KLHDC1: variants seen among roughly 807,000 people sequenced by gnomAD.
KLHDC1 encodes kelch domain-containing protein 1.
Under a neutral mutation model 68.3 loss-of-function variants are expected in KLHDC1, and 53 were observed. The observed-to-expected ratio is 0.78, with a 90% CI of 0.62 to 0.98. The LOEUF (loss-of-function observed/expected upper bound fraction) is 0.98, where lower values mean the gene tolerates loss of function less well. KLHDC1 is among the 50% of genes least tolerant of loss of function. The pLI is 0.00. For synonymous variants in KLHDC1, 148 were observed against 159.0 expected (o/e 0.93, Z 0.52); for missense variants, 470 against 492.3 (o/e 0.95, Z 0.43).
At chr14:49,750,573 T>C (rs563635338) in intron 12 of KLHDC1, among the ~76,000 whole-genome samples, 1 of 152,196 alleles carries the variant, frequency 6.6e-6, no homozygotes, top group Admixed American at 6.5e-5. Context: ...ATCTCTAGAG[T>C]ATAAGTGCTT....
chr14:49,719,984 G>C (rs1381262394), intron 4 of KLHDC1, among the ~76,000 whole-genome samples: 3 of 87,146 alleles, frequency 3.4e-5, no homozygotes, highest in Non-Finnish European at 7.1e-5. Flanking sequence ...ACCACACCAA[G>C]CTCATTTTTT....
intron 1 of KLHDC1, 46 bp from the exon 2 acceptor site, chr14:49,709,098 AGCTGTGTAACTGTTT>A (rs1326125480): frequency 4.3e-6 from 3 of 702,906 alleles, no homozygotes; most frequent in East Asian, 2.9e-5. Flanking sequence ...CATCCTGAGA[AGCTGTGTAACTGTTT>A]GCTGTGTAAC....
rs181763463 is a variant in KLHDC1, at chr14:49,693,444, C to T, written c.96+154C>T. On this transcript the variant is annotated intron_variant, in intron 1 of 12. Coordinates refer to ENST00000359332, the MANE Select transcript of KLHDC1 (RefSeq NM_172193.3). ...CAGCCCCTCCGCTGGCCGCCGCCCC[C>T]ACAGCCGCGCCAGGGCTTGACGTCG... Among the ~76,000 whole-genome samples the T allele has an allele frequency of 7.0e-4, 106 of 151,974 alleles. 2 individuals carry two copies. The East Asian group carries it at 0.018, about 26-fold the overall frequency.
At chr14:49,695,724 C>T (rs963203170) in intron 1 of KLHDC1, among the ~76,000 whole-genome samples, 2 of 152,158 alleles carry the variant, frequency 1.3e-5, no homozygotes, top group African/African-American at 4.8e-5. Flanking sequence ...TATGAAAGTC[C>T]TAGATGGCAT....
intron 1 of KLHDC1, among the ~76,000 whole-genome samples, chr14:49,706,339 C>T (rs539119820): frequency 2.0e-5 from 3 of 152,236 alleles, no homozygotes; most frequent in Admixed American, 1.3e-4. Context: ...CTGAATGGTG[C>T]TCCATTGTGT....
At chr14:49,747,553 G>A (rs931204056) in intron 12 of KLHDC1, among the ~76,000 whole-genome samples, 3 of 152,202 alleles carry the variant, frequency 2.0e-5, no homozygotes, top group African/African-American at 7.2e-5. Context: ...CTTTAAAATA[G>A]TGGAGAAAGA....
intron 12 of KLHDC1, among the ~76,000 whole-genome samples, chr14:49,744,962 C>G (rs971220352): frequency 6.6e-6 from 1 of 152,120 alleles, no homozygotes; most frequent in African/African-American, 2.4e-5. Flanking sequence ...TAAAAGGAGT[C>G]TGTACAAAGT....
intron 1 of KLHDC1, among the ~76,000 whole-genome samples, chr14:49,705,678 TC>T (rs1420499259): frequency 1.3e-5 from 2 of 152,088 alleles, no homozygotes; most frequent in African/African-American, 4.8e-5. Context: ...CTATAATATT[TC>T]TTTTGTAAAG....
Position 49,732,653 on chromosome 14 carries a change from T to A in KLHDC1, c.711-51T>A, listed in dbSNP as rs1369706559. 7.5e-6 allele frequency: 7 copies of A among 935,850 alleles called. No individual in the cohort carries two copies. The South Asian group carries it at 8.4e-5, about 11-fold the overall frequency. The allele number at this position is 935,850 out of a possible 1,614,324, so 58.0% of individuals were successfully genotyped here. On this transcript the variant is annotated intron_variant, in intron 8 of 12. Coordinates refer to ENST00000359332, the MANE Select transcript of KLHDC1 (RefSeq NM_172193.3). ...TTAAGATCTAAGATGATTAAAAACCTTTTATTTTGATTAATATAGTACCTA... is the reference window on the plus strand; with the variant it reads ...TTAAGATCTAAGATGATTAAAAACCATTTATTTTGATTAATATAGTACCTA...
chr14:49,705,929 A>G (rs1300044188), intron 1 of KLHDC1, among the ~76,000 whole-genome samples: 1 of 152,252 alleles, frequency 6.6e-6, no homozygotes, highest in African/African-American at 2.4e-5. Context: ...CATGCAATGC[A>G]TAATAGTCAC....
intron 1 of KLHDC1, among the ~76,000 whole-genome samples, chr14:49,698,588 T>C (rs1887809961): frequency 6.6e-6 from 1 of 151,676 alleles, no homozygotes; most frequent in South Asian, 2.1e-4. Context: ...CCATCTCGGC[T>C]CACTGCAACC....
chr14:49,711,910 CTTTTTTTTTTT>C (rs992092493), intron 4 of KLHDC1, among the ~76,000 whole-genome samples: 8 of 76,610 alleles, frequency 1.0e-4, no homozygotes, highest in East Asian at 7.3e-4. Flanking sequence ...TTTTCTTTTT[CTTTTTTTTTTT>C]TTTTTTTTTT....
At chr14:49,745,705 T>C (rs1271132029) in intron 12 of KLHDC1, among the ~76,000 whole-genome samples, 3 of 152,210 alleles carry the variant, frequency 2.0e-5, no homozygotes, top group African/African-American at 4.8e-5. Context: ...TGTAAAGATA[T>C]ATACAAAAGC....
intron 10 of KLHDC1, among the ~76,000 whole-genome samples, chr14:49,738,885 C>T (rs995786749): frequency 1.3e-5 from 2 of 152,176 alleles, no homozygotes; most frequent in Admixed American, 6.5e-5. Flanking sequence ...TGTCACTGCA[C>T]GTGGAGTTGG....
chr14:49,725,847 T>G (rs1484998055), intron 6 of KLHDC1, 78 bp downstream of exon 6: 1 of 736,062 alleles, frequency 1.4e-6, no homozygotes, highest in South Asian at 2.0e-5. Flanking sequence ...GGTTTTTTTT[T>G]GTTTTGTTTT....
intron 8 of KLHDC1, among the ~76,000 whole-genome samples, chr14:49,730,017 T>G (rs1377391226): frequency 6.6e-6 from 1 of 152,124 alleles, no homozygotes; most frequent in Non-Finnish European, 1.5e-5. Flanking sequence ...CATGAAAGTC[T>G]CAGAAGAAAA....
intron 4 of KLHDC1, among the ~76,000 whole-genome samples, chr14:49,720,985 T>A (rs1038769809): frequency 1.3e-5 from 2 of 152,152 alleles, no homozygotes; most frequent in African/African-American, 4.8e-5. Flanking sequence ...TTTTTATGGT[T>A]CTATCTCTTT....
intron 4 of KLHDC1, among the ~76,000 whole-genome samples, chr14:49,713,275 A>G (rs930759189): frequency 2.6e-5 from 4 of 152,102 alleles, no homozygotes; most frequent in African/African-American, 9.7e-5. Context: ...ATTTTTAGAC[A>G]TTAGTAGGCA....
chr14:49,699,781 G>GC (rs973539154), intron 1 of KLHDC1, among the ~76,000 whole-genome samples: 1 of 152,066 alleles, frequency 6.6e-6, no homozygotes. Flanking sequence ...AAAAGTAAAT[G>GC]GTCGATTCTA....
Sources: allele counts gnomAD v4.1 joint callset (sites outside exome capture counted in the v4.1 genomes callset), GRCh38; gene constraint gnomAD v4.1.1; transcripts MANE v1.5; gene names NCBI Gene and HGNC (gene_info 2026-07-23, HGNC 2026-07-21).